Variants in EPHB2 observed in about 807,000 individuals in gnomAD.
EPHB2 encodes ephrin type-B receptor 2.
Under a neutral mutation model 96.4 loss-of-function variants are expected in EPHB2, and 18 were observed. That is an observed-to-expected ratio of 0.19 (90% confidence interval 0.13 to 0.28). The LOEUF is 0.28. EPHB2 is among the 10% of genes least tolerant of loss of function. The pLI is 1.00. For missense variants in EPHB2, 989 were observed against 1,355.4 expected (o/e 0.73, Z 4.25); for synonymous variants, 506 against 534.1 (o/e 0.95, Z 0.72).
chr1:22,876,560 G>A (rs889486260), intron 5 of EPHB2, among the ~76,000 whole-genome samples: 11 of 152,250 alleles, frequency 7.2e-5, no homozygotes, highest in Non-Finnish European at 1.5e-4. Context: ...TGCCCCTCTC[G>A]GCCACAAGCC....
intron 1 of EPHB2, among the ~76,000 whole-genome samples, chr1:22,763,709 G>A (rs913004098): frequency 2.0e-5 from 3 of 152,150 alleles, no homozygotes; most frequent in Admixed American, 6.5e-5. Context: ...CAAAGTCTTC[G>A]TGGTTTAAAA....
intron 13 of EPHB2, among the ~76,000 whole-genome samples, chr1:22,909,626 G>C (rs756494518): frequency 3.9e-5 from 6 of 152,250 alleles, no homozygotes; most frequent in Non-Finnish European, 7.3e-5. Flanking sequence ...GACAAGTGGG[G>C]TTCGAAAGGT....
chr1:22,720,660 T>TCCCCCCCCCCCCCCC (rs916713865), intron 1 of EPHB2, among the ~76,000 whole-genome samples: 3 of 57,398 alleles, frequency 5.2e-5, no homozygotes, highest in African/African-American at 6.2e-5. Flanking sequence ...GAAATCTCAT[T>TCCCCCCCCCCCCCCC]CCCCCCCCCC....
intron 9 of EPHB2, among the ~76,000 whole-genome samples, chr1:22,903,011 A>G (rs778860685): frequency 1.1e-4 from 16 of 152,170 alleles, no homozygotes; most frequent in Non-Finnish European, 2.1e-4. Flanking sequence ...TGTGTCTGAA[A>G]CCCCTGGGTC....
chr1:22,883,803 G>A (rs1210711155), intron 6 of EPHB2, among the ~76,000 whole-genome samples: 1 of 152,188 alleles, frequency 6.6e-6, no homozygotes. Flanking sequence ...CCTAGGCAGT[G>A]CATTCCAAGA....
rs563643534 is a variant in EPHB2, at chr1:22,894,244, A to G, written c.1591+1198A>G. 2.2e-4 allele frequency among the ~76,000 whole-genome samples: 33 copies of G among 152,296 alleles called. No homozygotes were observed. The South Asian group carries it at 6.0e-3, about 28-fold the overall frequency. On this transcript the variant is annotated intron_variant, in intron 7 of 15. Coordinates refer to ENST00000374630, the MANE Select transcript of EPHB2 (RefSeq NM_017449.5). Reference sequence around the variant, plus strand: ...ACTTACCAGGCCAAGTGTGGGCACTAAGGTCCCAGAGCGCGTCCCTGATCT... The same window carrying G: ...ACTTACCAGGCCAAGTGTGGGCACTGAGGTCCCAGAGCGCGTCCCTGATCT...
At chr1:22,788,499 G>A (rs1050230528) in intron 3 of EPHB2, among the ~76,000 whole-genome samples, 4 of 152,234 alleles carry the variant, frequency 2.6e-5, no homozygotes, top group Non-Finnish European at 1.5e-5. Context: ...CATAGGCACT[G>A]GCCCTGCTGG....
At chr1:22,810,462 C>G (rs1286772875) in intron 3 of EPHB2, among the ~76,000 whole-genome samples, 1 of 152,220 alleles carries the variant, frequency 6.6e-6, no homozygotes. Context: ...CCATTACTAA[C>G]TCACTCTGTG....
intron 1 of EPHB2, among the ~76,000 whole-genome samples, chr1:22,715,180 A>G (rs1446618209): frequency 6.6e-6 from 1 of 152,244 alleles, no homozygotes; most frequent in Non-Finnish European, 1.5e-5. Context: ...TGTGATAAGT[A>G]TTGGGAGAAT....
rs559324740 is a variant in EPHB2 at position 22,826,816 on chromosome 1, G to A, written c.812-36221G>A. Among the ~76,000 whole-genome samples, 25 of 152,090 alleles carry A rather than the reference G, an allele frequency of 1.6e-4. No homozygotes were observed. In the South Asian group the frequency reaches 2.3e-3, roughly 14 times the overall value. ...GTCTGGCCCTGAGAAATGCTGTCACGCCTGCCTCCCCCAGGACAGCAAGCT... is the reference window on the plus strand; with the variant it reads ...GTCTGGCCCTGAGAAATGCTGTCACACCTGCCTCCCCCAGGACAGCAAGCT... On this transcript the variant is annotated intron_variant, in intron 3 of 15. Transcript: ENST00000374630.
chr1:22,713,449 G>A (rs982814689), intron 1 of EPHB2, among the ~76,000 whole-genome samples: 14 of 152,130 alleles, frequency 9.2e-5, no homozygotes, highest in Admixed American at 3.9e-4. Context: ...TTCCTCCCCC[G>A]TCTAGTGAGA....
chr1:22,758,456 G>A (rs1287262667), intron 1 of EPHB2, among the ~76,000 whole-genome samples: 1 of 152,018 alleles, frequency 6.6e-6, no homozygotes, highest in Non-Finnish European at 1.5e-5. Context: ...CTTAGTCAAG[G>A]TCCATCCTGG....
chr1:22,858,967 A>G lies in EPHB2; in HGVS notation c.812-4070A>G, dbSNP rs928798127. ...ACACATTCATAAGCAAGTAATTAAA[A>G]TAGGCACTGTATACAAAAAAATTAG... is the stretch of plus-strand genomic sequence containing the variant. On this transcript the variant is annotated intron_variant, in intron 3 of 15. Coordinates refer to ENST00000374630, the MANE Select transcript of EPHB2 (RefSeq NM_017449.5). The surrounding 1 kb of genome is among the most constrained non-coding windows in gnomAD (Gnocchi z 7.7). Among the ~76,000 whole-genome samples, 1 of 152,178 alleles carries G rather than the reference A, an allele frequency of 6.6e-6. No homozygotes were observed. The highest frequency in any genetic ancestry group is 1.5e-5 in the Non-Finnish European group (1 of 68,032).
At chr1:22,752,442 T>C (rs186554782) in intron 1 of EPHB2, among the ~76,000 whole-genome samples, 7 of 151,610 alleles carry the variant, frequency 4.6e-5, no homozygotes, top group South Asian at 2.1e-4. Context: ...GGTTGCACCA[T>C]TGCACTCCAG....
chr1:22,886,815 G>A (rs1207929071), intron 6 of EPHB2, among the ~76,000 whole-genome samples: 2 of 151,858 alleles, frequency 1.3e-5, no homozygotes, highest in South Asian at 2.1e-4. Context: ...AAGTAGAGAC[G>A]GGGTTTCTCC....
At chr1:22,859,002 G>A (rs942453911) in intron 3 of EPHB2, among the ~76,000 whole-genome samples, 5 of 152,192 alleles carry the variant, frequency 3.3e-5, no homozygotes, top group African/African-American at 4.8e-5. Flanking sequence ...GCCCGGCGTG[G>A]TGGTGCATGC....
chr1:22,909,229 A>G (rs1440399039), intron 13 of EPHB2, 58 bp downstream of exon 13: 1 of 1,612,826 alleles, frequency 6.2e-7, no homozygotes, highest in East Asian at 2.2e-5. Flanking sequence ...GAGAGGGAAG[A>G]TCGGGGCTCC....
At chr1:22,848,585 G>A (rs1645578022) in intron 3 of EPHB2, among the ~76,000 whole-genome samples, 1 of 152,194 alleles carries the variant, frequency 6.6e-6, no homozygotes, top group African/African-American at 2.4e-5. Flanking sequence ...GCCACATCTT[G>A]TGCATTTGAT....
rs374082019 is a variant in EPHB2 at position 22,896,327 on chromosome 1, T to A, written c.1701-87T>A. The A allele has an allele frequency of 3.2e-6, 5 of 1,575,834 alleles. No individual in the cohort carries two copies. The African/African-American group carries it at 6.7e-5, about 21-fold the overall frequency. On this transcript the variant is annotated intron_variant, in intron 8 of 15. Transcript: ENST00000374630. The stretch of plus-strand genomic sequence containing the variant: ...TGGCAGGGGTGTGGCTTCTAGGGCC[T>A]GCCCACCCTCTCCCTATCACCTACT...
Sources: allele counts gnomAD v4.1 joint callset (sites outside exome capture counted in the v4.1 genomes callset), GRCh38; gene constraint gnomAD v4.1.1; non-coding constraint Gnocchi (gnomAD v3.1); transcripts MANE v1.5; gene names NCBI Gene and HGNC (gene_info 2026-07-23, HGNC 2026-07-21).